ARB2A: variants seen among roughly 807,000 people sequenced by gnomAD.
ARB2A encodes ARB2 cotranscriptional regulator A.
the ARB2A span, among the ~76,000 whole-genome samples, chr5:94,069,264 T>C: frequency 2.6e-5 from 4 of 152,166 alleles, no homozygotes; most frequent in Admixed American, 2.0e-4. Flanking sequence ...TGGAGCCCCA[T>C]CATTCATCTA....
chr5:93,907,644 T>C, the ARB2A span, among the ~76,000 whole-genome samples: 2 of 151,478 alleles, frequency 1.3e-5, no homozygotes, highest in Non-Finnish European at 3.0e-5. Flanking sequence ...ATATTATATA[T>C]AGTTTGGACA....
the ARB2A span, among the ~76,000 whole-genome samples, chr5:93,816,728 C>A: frequency 6.6e-6 from 1 of 152,156 alleles, no homozygotes; most frequent in Non-Finnish European, 1.5e-5. Flanking sequence ...AGCAGCCTTC[C>A]AAACAATAGA....
the ARB2A span, chr5:93,620,892 A>C: frequency 6.6e-7 from 1 of 1,509,194 alleles, no homozygotes; most frequent in Non-Finnish European, 8.9e-7. Flanking sequence ...GAAGAAAACA[A>C]TCTAATGAGG....
chr5:94,045,345 C>T, the ARB2A span, among the ~76,000 whole-genome samples: 4 of 151,924 alleles, frequency 2.6e-5, no homozygotes, highest in Non-Finnish European at 5.9e-5. Context: ...TGAACTCACC[C>T]TGAATTCTTT....
chr5:93,960,396 C>A, the ARB2A span, among the ~76,000 whole-genome samples: 1 of 152,132 alleles, frequency 6.6e-6, no homozygotes, highest in South Asian at 2.1e-4. Context: ...TTATTTTCCT[C>A]CACGGCACAT....
the ARB2A span, among the ~76,000 whole-genome samples, chr5:93,647,253 T>C: frequency 2.1e-4 from 32 of 150,264 alleles, no homozygotes; most frequent in Middle Eastern, 0.01. Context: ...CGAGACGGAG[T>C]CTTACTCTTT....
chr5:93,683,450 C>T, the ARB2A span: 17 of 1,599,352 alleles, frequency 1.1e-5, no homozygotes, highest in Middle Eastern at 2.1e-4. Flanking sequence ...TTCAAAGCCC[C>T]CAAGGGAAAC....
At chr5:93,815,092 C>G in the ARB2A span, among the ~76,000 whole-genome samples, 1 of 152,194 alleles carries the variant, frequency 6.6e-6, no homozygotes, top group Non-Finnish European at 1.5e-5. Flanking sequence ...ATCCTCCTGC[C>G]TCAGCCTCCC....
the ARB2A span, among the ~76,000 whole-genome samples, chr5:93,655,164 T>C: frequency 6.6e-6 from 1 of 152,242 alleles, no homozygotes; most frequent in South Asian, 2.1e-4. Flanking sequence ...GAAAGGATTT[T>C]ATACATTCTG....
chr5:93,710,331 G>A, the ARB2A span, among the ~76,000 whole-genome samples: 46 of 152,272 alleles, frequency 3.0e-4, no homozygotes, highest in African/African-American at 8.4e-4. Flanking sequence ...TGGGAAAACC[G>A]GGAAATCTGA....
chr5:94,081,045 T>G, the ARB2A span, among the ~76,000 whole-genome samples: 1 of 152,286 alleles, frequency 6.6e-6, no homozygotes, highest in Admixed American at 6.5e-5. Flanking sequence ...AAGTATACAT[T>G]TCTTCAAATA....
At chr5:93,774,869 G>A in the ARB2A span, among the ~76,000 whole-genome samples, 1 of 152,174 alleles carries the variant, frequency 6.6e-6, no homozygotes, top group South Asian at 2.1e-4. Context: ...TGACAAAAAT[G>A]TGACCAGAAG....
the ARB2A span, among the ~76,000 whole-genome samples, chr5:94,042,910 T>C: frequency 6.6e-6 from 1 of 152,196 alleles, no homozygotes; most frequent in Non-Finnish European, 1.5e-5. Flanking sequence ...TGCTTCAGTA[T>C]ATATCATCAG....
the ARB2A span, chr5:93,683,007 T>C: frequency 3.2e-6 from 5 of 1,580,594 alleles, no homozygotes; most frequent in African/African-American, 4.0e-5. Context: ...CTAGGTCCTT[T>C]TGGTGTTTTA....
the ARB2A span, among the ~76,000 whole-genome samples, chr5:93,758,419 T>C: frequency 2.2e-4 from 33 of 152,258 alleles, no homozygotes; most frequent in East Asian, 4.3e-3. Flanking sequence ...ATACGGAACA[T>C]TTCATCCAAC....
the ARB2A span, chr5:93,619,057 C>A: frequency 1.3e-5 from 2 of 152,140 alleles, no homozygotes; most frequent in Non-Finnish European, 2.9e-5. Flanking sequence ...AAAATATATT[C>A]AATTCACATC....
the ARB2A span, among the ~76,000 whole-genome samples, chr5:93,858,578 C>G: frequency 6.6e-6 from 1 of 152,146 alleles, no homozygotes; most frequent in Non-Finnish European, 1.5e-5. Flanking sequence ...GCATATCCTG[C>G]CATTCGCCAT....
the ARB2A span, among the ~76,000 whole-genome samples, chr5:94,096,584 A>T: frequency 2.0e-5 from 3 of 152,204 alleles, no homozygotes; most frequent in Admixed American, 2.0e-4. Context: ...CCACAGTCTT[A>T]GTCTTGTTAG....
At chr5:93,800,421 A>ACACG in the ARB2A span, among the ~76,000 whole-genome samples, 3 of 149,238 alleles carry the variant, frequency 2.0e-5, no homozygotes, top group African/African-American at 2.4e-5. Context: ...ACACACACAC[A>ACACG]CACGCACACA....
Sources: allele counts gnomAD v4.1 joint callset (sites outside exome capture counted in the v4.1 genomes callset), GRCh38; gene constraint gnomAD v4.1.1; transcripts MANE v1.5; gene names NCBI Gene and HGNC (gene_info 2026-07-23, HGNC 2026-07-21).